The following FBXL14 variants were observed in gnomAD, a reference collection of about 807,000 sequenced individuals.
FBXL14 encodes F-box/LRR-repeat protein 14.
FBXL14 carries 11 observed loss-of-function variants against 24.5 expected under a neutral mutation model. The observed-to-expected ratio is 0.45, with a 90% CI of 0.28 to 0.74. The LOEUF (loss-of-function observed/expected upper bound fraction) is 0.74. Among genes scored for constraint, FBXL14 ranks in the 30% least tolerant of loss-of-function variants. The probability of loss-of-function intolerance (pLI) is 0.12; values close to 1 mark genes in which losing one functional copy is unlikely to be tolerated. For synonymous variants in FBXL14, 294 were observed against 240.4 expected (o/e 1.22, Z -2.06); for missense variants, 384 against 545.6 (o/e 0.70, Z 2.95).
intron 1 of FBXL14, among the ~76,000 whole-genome samples, chr12:1,584,244 G>A (rs901153914): frequency 5.9e-5 from 9 of 152,262 alleles, no homozygotes; most frequent in Admixed American, 1.3e-4. Context: ...CCAGCTACTC[G>A]GGAGGCTGAG....
At chr12:1,576,447 A>G (rs996609759) in intron 1 of FBXL14, among the ~76,000 whole-genome samples, 1 of 152,118 alleles carries the variant, frequency 6.6e-6, no homozygotes, top group African/African-American at 2.4e-5. Flanking sequence ...AGAGGCTGTC[A>G]CCCTCTGGAG....
chr12:1,566,415 T>C lies in FBXL14; in HGVS notation c.*333A>G. The C allele has an allele frequency of 4.2e-6, 1 of 237,048 alleles. No individual in the cohort carries two copies. 14.7% of individuals were successfully genotyped at this position (237,048 alleles called of 1,614,324 possible). On this transcript the variant is annotated 3_prime_UTR_variant, in exon 2 of 2. Transcript: ENST00000339235. ...ATGTATATATTTATATGTATAAAAT[T>C]AAAGTGTGGAACTTGTAGTTTCCTG...
chr12:1,573,134 G>C (rs1301489860), intron 1 of FBXL14, among the ~76,000 whole-genome samples: 4 of 152,136 alleles, frequency 2.6e-5, no homozygotes, highest in Admixed American at 1.3e-4. Flanking sequence ...GGTCTGGGCT[G>C]AATATTTGAG....
chr12:1,570,509 G>A (rs1217249816), intron 1 of FBXL14, among the ~76,000 whole-genome samples: 1 of 152,166 alleles, frequency 6.6e-6, no homozygotes, highest in Non-Finnish European at 1.5e-5. Context: ...ATGTGGGTGG[G>A]CATGGCTGTG....
chr12:1,574,241 AGAT>A (rs1226558785), intron 1 of FBXL14, among the ~76,000 whole-genome samples: 5 of 138,514 alleles, frequency 3.6e-5, no homozygotes, highest in African/African-American at 1.3e-4. Context: ...TAGAATACAG[AGAT>A]GATGAAACCT....
At chr12:1,587,732 A>G (rs1429865937) in intron 1 of FBXL14, among the ~76,000 whole-genome samples, 1 of 152,204 alleles carries the variant, frequency 6.6e-6, no homozygotes, top group Admixed American at 6.5e-5. Context: ...CAACTTTTTA[A>G]AAAATTTAAC....
Position 1,594,060 on chromosome 12 carries a change from T to C in FBXL14, c.7A>G (p.Thr3Ala), listed in dbSNP as rs201556394. ...TCCGGGAACAGGCATGAGATGTGGG[T>C]CTCCATCTTCCTCCTCCCCCCTCCG... ME[T>A]HISCLFPELL... is the part of the protein sequence containing the mutation. The change falls in exon 1 of 2, where the codon ACC (threonine) becomes GCC (alanine). Residue 3 changes from threonine (T) to alanine (A), a missense_variant. Coordinates refer to ENST00000339235, the MANE Select transcript of FBXL14 (RefSeq NM_152441.3). 4,867 of 1,487,128 alleles carry C rather than the reference T, an allele frequency of 3.3e-3. 9 individuals carry two copies. The highest frequency in any genetic ancestry group is 4.1e-3 in the Non-Finnish European group (4,590 of 1,127,314). The allele number at this position is 1,487,128 out of a possible 1,614,324, so 92.1% of individuals were successfully genotyped here. A position where few individuals can be genotyped will look rare whatever the true frequency, so the allele number is the denominator to read the frequency against.
intron 1 of FBXL14, among the ~76,000 whole-genome samples, chr12:1,571,631 G>C (rs1377633123): frequency 6.6e-6 from 1 of 152,100 alleles, no homozygotes; most frequent in Non-Finnish European, 1.5e-5. Flanking sequence ...TTTTTTATTT[G>C]ACTTTAAAAT....
intron 1 of FBXL14, among the ~76,000 whole-genome samples, chr12:1,576,158 A>G (rs2094455552): frequency 6.6e-6 from 1 of 152,162 alleles, no homozygotes; most frequent in Non-Finnish European, 1.5e-5. Context: ...AGTGATTTAA[A>G]TCGTCATTTA....
intron 1 of FBXL14, among the ~76,000 whole-genome samples, chr12:1,582,225 AAGAG>A (rs1203368199): frequency 2.7e-5 from 4 of 150,244 alleles, no homozygotes; most frequent in African/African-American, 4.9e-5. Flanking sequence ...AAGAAAGAAA[AAGAG>A]AAAGAAAGAA....
At chr12:1,581,063 A>C (rs370426868) in intron 1 of FBXL14, among the ~76,000 whole-genome samples, 1 of 152,194 alleles carries the variant, frequency 6.6e-6, no homozygotes, top group East Asian at 1.9e-4. Context: ...GACTGGCCTC[A>C]TTGCTGTTAT....
At chr12:1,589,832 CA>C (rs1219490734) in intron 1 of FBXL14, among the ~76,000 whole-genome samples, 12 of 152,212 alleles carry the variant, frequency 7.9e-5, no homozygotes, top group Admixed American at 7.9e-4. Flanking sequence ...TCGTAACTTT[CA>C]AACATCAATT....
intron 1 of FBXL14, among the ~76,000 whole-genome samples, chr12:1,576,125 A>AAATT (rs1323146748): frequency 9.9e-5 from 15 of 152,238 alleles, no homozygotes; most frequent in African/African-American, 3.6e-4. Context: ...TAATAAAACA[A>AAATT]AATTACTGCA....
Position 1,592,860 on chromosome 12 carries a change from G to A in FBXL14, c.1194+13C>T. 5 of 1,549,876 alleles carry A rather than the reference G, an allele frequency of 3.2e-6. No individual in the cohort carries two copies. Among genetic ancestry groups the A allele is most frequent in the Non-Finnish European group, 4.4e-6 (5 of 1,144,230 alleles). ...CGGGACAAGGGGAGCTGGTGCTGCCGCCCTCACCTGACCTTCTCACTGTCC... is the reference window on the plus strand; with the variant it reads ...CGGGACAAGGGGAGCTGGTGCTGCCACCCTCACCTGACCTTCTCACTGTCC... On this transcript the variant is annotated intron_variant, in intron 1 of 1. Coordinates refer to ENST00000339235, the MANE Select transcript of FBXL14 (RefSeq NM_152441.3).
chr12:1,569,423 CG>C lies in FBXL14; in HGVS notation c.1195-2614del, dbSNP rs1411244427. ...TTTTTTTTTTTTTTTTTGTCTGAGA[CG>C]GAGTCTCGCTCTGTCACCCAGGCTA... On this transcript the variant is annotated intron_variant, in intron 1 of 1. Coordinates refer to ENST00000339235, the MANE Select transcript of FBXL14 (RefSeq NM_152441.3). The surrounding 1 kb of genome is among the most constrained non-coding windows in gnomAD (Gnocchi z 4.2). Among the ~76,000 whole-genome samples the C allele has an allele frequency of 2.1e-5, 3 of 143,750 alleles. No individual in the cohort carries two copies. The highest frequency in any genetic ancestry group is 3.0e-5 in the Non-Finnish European group (2 of 66,794). 94.3% of individuals were successfully genotyped at this position (143,750 alleles called of 152,430 possible).
chr12:1,586,906 G>T (rs188215124), intron 1 of FBXL14, among the ~76,000 whole-genome samples: 13 of 152,314 alleles, frequency 8.5e-5, no homozygotes, highest in Admixed American at 8.5e-4. Context: ...AAGTATCCTT[G>T]TAAGTTTTTT....
chr12:1,572,099 C>T (rs1035978718), intron 1 of FBXL14, among the ~76,000 whole-genome samples: 4 of 151,778 alleles, frequency 2.6e-5, no homozygotes, highest in African/African-American at 4.8e-5. Flanking sequence ...GTCACGTTTA[C>T]GTGGGGGAGT....
rs565173894 is a variant in FBXL14 at position 1,569,077 on chromosome 12, A to G, written c.1195-2267T>C. On this transcript the variant is annotated intron_variant, in intron 1 of 1. Transcript: ENST00000339235. The surrounding 1 kb of genome is among the most constrained non-coding windows in gnomAD (Gnocchi z 4.2). Reference sequence around the variant, plus strand: ...ACAAGTATTTTCATAGGATTGAGATATAAAGAATATATTGAAGCTTTTACA... The same window carrying G: ...ACAAGTATTTTCATAGGATTGAGATGTAAAGAATATATTGAAGCTTTTACA... Among the ~76,000 whole-genome samples the G allele has an allele frequency of 2.0e-5, 3 of 152,358 alleles. No homozygotes were observed. The East Asian group carries it at 5.8e-4, about 29-fold the overall frequency.
Position 1,593,228 on chromosome 12 carries a change from C to G in FBXL14, c.839G>C (p.Arg280Pro), listed in dbSNP as rs776619374. ...GAACGAAACATCCAGCCCCGAGAGG[C>G]GCAGGCTGCCCATGGCCAGATGCAT... ...GIMHLAMGSL[R>P]LSGLDVSFCD... The change falls in exon 1 of 2, where the codon CGC becomes CCC. Residue 280 changes from arginine to proline, a missense_variant. Arg to Pro is a moderately radical substitution (Grantham distance 103). Transcript: ENST00000339235. The surrounding 1 kb of genome is among the most constrained non-coding windows in gnomAD (Gnocchi z 7.4). 2.5e-6 allele frequency: 4 copies of G among 1,612,828 alleles called. No individual in the cohort carries two copies. In the South Asian group the frequency reaches 4.4e-5, roughly 18 times the overall value.
Sources: allele counts gnomAD v4.1 joint callset (sites outside exome capture counted in the v4.1 genomes callset), GRCh38; gene constraint gnomAD v4.1.1; non-coding constraint Gnocchi (gnomAD v3.1); transcripts MANE v1.5; gene names NCBI Gene and HGNC (gene_info 2026-07-23, HGNC 2026-07-21).